WDR27: variants seen among roughly 807,000 people sequenced by gnomAD.
The protein encoded by WDR27 is WD repeat-containing protein 27.
WDR27 carries 100 observed loss-of-function variants against 114.4 expected under a neutral mutation model. The ratio of observed to expected loss-of-function variants is 0.87; its 90% confidence interval spans 0.74 to 1.03. The LOEUF is 1.03. Among genes scored for constraint, WDR27 ranks in the 50% least tolerant of loss-of-function variants. The pLI, the probability that WDR27 is intolerant of heterozygous loss-of-function variation, is 0.00. For missense variants in WDR27, 1,129 were observed against 1,092.9 expected (o/e 1.03, Z -0.47); for synonymous variants, 449 against 423.1 (o/e 1.06, Z -0.75).
chr6:169,561,204 A>G (rs58712136), intron 25 of WDR27, among the ~76,000 whole-genome samples: 2,460 of 151,970 alleles, frequency 0.016, 66 homozygotes, highest in African/African-American at 0.057. Context: ...GTGCCTTCTC[A>G]CTGCCCCTCA....
chr6:169,663,808 A>G (rs1476711246), intron 8 of WDR27: 4 of 236,130 alleles, frequency 1.7e-5, no homozygotes, highest in Non-Finnish European at 2.5e-5. Flanking sequence ...GGTGCTGGGT[A>G]GGTGCAGGTG....
intron 25 of WDR27, among the ~76,000 whole-genome samples, chr6:169,478,562 GAAAA>G (rs145057081): frequency 6.9e-6 from 1 of 145,612 alleles, no homozygotes; most frequent in Non-Finnish European, 1.5e-5. Context: ...AATGCCCAAA[GAAAA>G]AAAAAAGATG....
chr6:169,521,681 AT>A lies in WDR27; in HGVS notation c.2645+50737del, dbSNP rs750321426. On this transcript the variant is annotated intron_variant, in intron 25 of 25. Transcript: ENST00000448612. ...ATAGATGGAGCTTAAAATGTAGAGT[AT>A]TTTTTTCTTTGTTTCTATTTTTTCT... 1.2e-4 allele frequency among the ~76,000 whole-genome samples: 18 copies of A among 152,000 alleles called. No individual in the cohort carries two copies. In the South Asian group the frequency reaches 1.4e-3, roughly 12 times the overall value.
chr6:169,467,790 T>C (rs1393108037), intron 25 of WDR27, among the ~76,000 whole-genome samples: 1 of 152,278 alleles, frequency 6.6e-6, no homozygotes, highest in Non-Finnish European at 1.5e-5. Flanking sequence ...TCATTACTTA[T>C]GCAAATTTCT....
chr6:169,507,599 C>T (rs1792175381), intron 25 of WDR27, among the ~76,000 whole-genome samples: 1 of 152,168 alleles, frequency 6.6e-6, no homozygotes, highest in African/African-American at 2.4e-5. Flanking sequence ...ATAGCAAACC[C>T]CACCAGCCTT....
At chr6:169,501,595 A>G (rs559556271) in intron 25 of WDR27, among the ~76,000 whole-genome samples, 1 of 152,380 alleles carries the variant, frequency 6.6e-6, no homozygotes, top group South Asian at 2.1e-4. Context: ...GCTAAAATGC[A>G]TAAAGATGTA....
In WDR27 at chr6:169,667,116, C is replaced by T. The variant is rs1228386427; in HGVS notation, c.712+20G>A. The T allele has an allele frequency of 7.3e-6, 11 of 1,504,320 alleles. No individual in the cohort carries two copies. Among genetic ancestry groups the T allele is most frequent in the Non-Finnish European group, 8.9e-7 (1 of 1,129,224 alleles). 93.2% of individuals were successfully genotyped at this position (1,504,320 alleles called of 1,614,324 possible). A position where few individuals can be genotyped will look rare whatever the true frequency, so the allele number is the denominator to read the frequency against. On this transcript the variant is annotated intron_variant, in intron 6 of 25. Transcript: ENST00000448612. The stretch of plus-strand genomic sequence containing the variant: ...TTACACACAACCTATTTACAGAAAA[C>T]ATGAAAGTTTTAAATTTACCTGATA...
chr6:169,694,381 A>T (rs1785291120), intron 1 of WDR27, among the ~76,000 whole-genome samples: 1 of 152,220 alleles, frequency 6.6e-6, no homozygotes, highest in Non-Finnish European at 1.5e-5. Context: ...ACTGCTGGTA[A>T]AAGAATAAAC....
intron 1 of WDR27, among the ~76,000 whole-genome samples, chr6:169,691,028 A>C (rs1346870365): frequency 1.3e-5 from 2 of 152,158 alleles, no homozygotes; most frequent in Admixed American, 1.3e-4. Context: ...ATCCTGGCTA[A>C]CACGGTGAAA....
intron 23 of WDR27, among the ~76,000 whole-genome samples, chr6:169,593,281 G>C (rs1236008028): frequency 1.3e-5 from 2 of 152,110 alleles, no homozygotes; most frequent in Admixed American, 6.5e-5. Flanking sequence ...GGAGTTCTTA[G>C]GAAACGTTCT....
the WDR27 span, among the ~76,000 whole-genome samples, chr6:169,431,742 GC>G: frequency 6.6e-6 from 1 of 152,122 alleles, no homozygotes; most frequent in Non-Finnish European, 1.5e-5. Flanking sequence ...TTAAATACTT[GC>G]CAAGATAGTA....
At chr6:169,426,638 C>G in the WDR27 span, 4 of 152,250 alleles carry the variant, frequency 2.6e-5, no homozygotes, top group African/African-American at 9.6e-5. Context: ...AGTCCACCAG[C>G]CTGTGCTTCC....
At chr6:169,534,104 G>A (rs1007994731) in intron 25 of WDR27, among the ~76,000 whole-genome samples, 4 of 152,164 alleles carry the variant, frequency 2.6e-5, no homozygotes, top group African/African-American at 4.8e-5. Flanking sequence ...TTTGTATCAC[G>A]GATGGTTGTT....
chr6:169,571,402 G>T (rs1447778292), intron 25 of WDR27, among the ~76,000 whole-genome samples: 1 of 152,176 alleles, frequency 6.6e-6, no homozygotes, highest in Non-Finnish European at 1.5e-5. Context: ...TCTCATCAAA[G>T]TCTTAATAAA....
the WDR27 span, among the ~76,000 whole-genome samples, chr6:169,448,375 CCTCT>C: frequency 2.4e-4 from 35 of 143,454 alleles, no homozygotes; most frequent in African/African-American, 7.1e-4. Flanking sequence ...TCTCTCTCTC[CCTCT>C]GTCTCTGTCT....
At chr6:169,695,599 T>C (rs1244614670) in intron 1 of WDR27, among the ~76,000 whole-genome samples, 1 of 152,118 alleles carries the variant, frequency 6.6e-6, no homozygotes, top group African/African-American at 2.4e-5. Flanking sequence ...TTTGCACCAA[T>C]TACATAAAAT....
At chr6:169,527,958 G>A (rs993044939) in intron 25 of WDR27, among the ~76,000 whole-genome samples, 8 of 152,040 alleles carry the variant, frequency 5.3e-5, no homozygotes, top group African/African-American at 1.9e-4. Flanking sequence ...TTTGTCATAT[G>A]ACAAATTTGG....
At chr6:169,426,662 C>T in the WDR27 span, 1 of 152,376 alleles carries the variant, frequency 6.6e-6, no homozygotes, top group East Asian at 1.9e-4. Flanking sequence ...AGGCCATGCT[C>T]TGCTCCAGGA....
intron 2 of WDR27, among the ~76,000 whole-genome samples, chr6:169,675,358 T>C (rs944675197): frequency 4.6e-5 from 7 of 152,324 alleles, no homozygotes; most frequent in Middle Eastern, 3.4e-3. Flanking sequence ...TCCACCATGA[T>C]TGTAAGGTTC....
Sources: gnomAD v4.1 joint callset for allele counts (sites outside exome capture counted in the v4.1 genomes callset) on GRCh38, gnomAD v4.1.1 for gene constraint, MANE v1.5 for transcripts, NCBI Gene and HGNC (gene_info 2026-07-23, HGNC 2026-07-21) for gene names.